Variants in CCDC148 observed in about 807,000 individuals in gnomAD.
CCDC148 encodes coiled-coil domain containing 148, also known as coiled-coil domain-containing protein 148.
A neutral mutation model predicts 85.7 loss-of-function variants in CCDC148; 89 were observed. The observed-to-expected ratio is 1.04, with a 90% CI of 0.87 to 1.24. The LOEUF (loss-of-function observed/expected upper bound fraction) is 1.24, where lower values mean the gene tolerates loss of function less well. Among genes scored for constraint, CCDC148 ranks in the 50% most tolerant of loss-of-function variants. The pLI is 0.00. For synonymous variants in CCDC148, 230 were observed against 213.9 expected (o/e 1.08, Z -0.66); for missense variants, 692 against 671.7 (o/e 1.03, Z -0.33).
At chr2:158,287,905 C>A (rs1048408582) in intron 9 of CCDC148, among the ~76,000 whole-genome samples, 4 of 152,222 alleles carry the variant, frequency 2.6e-5, no homozygotes, top group Admixed American at 6.5e-5. Context: ...GAGGGCCCCA[C>A]CCCTGTAGCA....
intron 11 of CCDC148, among the ~76,000 whole-genome samples, chr2:158,195,300 G>A (rs1365703953): frequency 6.6e-6 from 1 of 151,670 alleles, no homozygotes; most frequent in East Asian, 1.9e-4. Flanking sequence ...GTCTTATGAT[G>A]TGCCTCTTAC....
intron 1 of CCDC148, among the ~76,000 whole-genome samples, chr2:158,369,240 T>C (rs1015169430): frequency 6.6e-6 from 1 of 152,148 alleles, no homozygotes. Context: ...GGGAATAGCA[T>C]TGAATCTATA....
chr2:158,311,768 T>A (rs1445172097), intron 8 of CCDC148, among the ~76,000 whole-genome samples: 1 of 152,216 alleles, frequency 6.6e-6, no homozygotes, highest in East Asian at 1.9e-4. Context: ...AACATTCAGA[T>A]GTTAGGATGC....
At chr2:158,407,965 A>C (rs1350441357) in intron 1 of CCDC148, among the ~76,000 whole-genome samples, 3 of 152,206 alleles carry the variant, frequency 2.0e-5, no homozygotes, top group African/African-American at 7.2e-5. Flanking sequence ...TACAAATTCT[A>C]AATTCTTTGA....
intron 10 of CCDC148, among the ~76,000 whole-genome samples, chr2:158,244,910 T>C (rs1261696851): frequency 6.6e-6 from 1 of 152,192 alleles, no homozygotes; most frequent in Non-Finnish European, 1.5e-5. Flanking sequence ...GTTTAAAGCC[T>C]GGGAATTTTT....
chr2:158,246,434 T>C (rs998282667), intron 10 of CCDC148, among the ~76,000 whole-genome samples: 1 of 152,170 alleles, frequency 6.6e-6, no homozygotes, highest in South Asian at 2.1e-4. Context: ...TCTCCTTTCC[T>C]ACCTCAAACA....
intron 13 of CCDC148, among the ~76,000 whole-genome samples, chr2:158,172,993 T>C (rs1684389231): frequency 6.6e-6 from 1 of 152,056 alleles, no homozygotes; most frequent in Non-Finnish European, 1.5e-5. Context: ...AATAAGCTAG[T>C]AAAAGCAGCC....
intron 1 of CCDC148, among the ~76,000 whole-genome samples, chr2:158,423,559 C>A (rs540190215): frequency 9.9e-5 from 15 of 152,058 alleles, no homozygotes; most frequent in African/African-American, 2.2e-4. Flanking sequence ...TTACACAAAA[C>A]TTAATTCAAG....
intron 7 of CCDC148, among the ~76,000 whole-genome samples, chr2:158,328,895 T>A (rs567926628): frequency 6.6e-6 from 1 of 150,682 alleles, no homozygotes; most frequent in East Asian, 1.9e-4. Flanking sequence ...TTGGAGTTCA[T>A]TGTAGATTCT....
intron 1 of CCDC148, chr2:158,420,102 T>C (rs1686699954): frequency 6.6e-6 from 1 of 152,008 alleles, no homozygotes. Flanking sequence ...AAGATGATAG[T>C]AAAATGTGTA....
At chr2:158,210,424 A>C (rs1686501347) in intron 11 of CCDC148, among the ~76,000 whole-genome samples, 2 of 152,146 alleles carry the variant, frequency 1.3e-5, no homozygotes, top group Admixed American at 1.3e-4. Flanking sequence ...ATTAACAAGG[A>C]TATTTAGGAC....
intron 7 of CCDC148, among the ~76,000 whole-genome samples, chr2:158,334,226 C>T (rs984153678): frequency 9.2e-5 from 14 of 152,130 alleles, no homozygotes; most frequent in Admixed American, 6.6e-5. Flanking sequence ...TAGCTCATTA[C>T]TGGTTCCTGC....
intron 9 of CCDC148, among the ~76,000 whole-genome samples, chr2:158,272,813 G>A (rs553639691): frequency 6.6e-6 from 1 of 152,298 alleles, no homozygotes; most frequent in South Asian, 2.1e-4. Context: ...AATCCAGAAT[G>A]TATCTCATCC....
chr2:158,316,149 C>T (rs1692272508), intron 7 of CCDC148, among the ~76,000 whole-genome samples: 1 of 152,182 alleles, frequency 6.6e-6, no homozygotes, highest in Non-Finnish European at 1.5e-5. Flanking sequence ...AGAAGTACTC[C>T]TAAATTAATT....
At chr2:158,317,802 G>C (rs988411755) in intron 7 of CCDC148, among the ~76,000 whole-genome samples, 5 of 152,196 alleles carry the variant, frequency 3.3e-5, no homozygotes, top group African/African-American at 1.2e-4. Context: ...GCTGAAAGCT[G>C]TTTTATGTTT....
At chr2:158,258,174 T>A (rs190631352) in intron 9 of CCDC148, among the ~76,000 whole-genome samples, 368 of 151,864 alleles carry the variant, frequency 2.4e-3, no homozygotes, top group Middle Eastern at 6.8e-3. Flanking sequence ...AATGTATTAA[T>A]GCTGTGTCAA....
At chr2:158,357,263 A>G (rs1053438622) in intron 2 of CCDC148, among the ~76,000 whole-genome samples, 11 of 151,852 alleles carry the variant, frequency 7.2e-5, no homozygotes, top group Non-Finnish European at 1.5e-4. Flanking sequence ...AAAAAAAATA[A>G]CATAGCCTGG....
chr2:158,338,629 A>T (rs117168817), intron 7 of CCDC148, 97 bp downstream of exon 7: 7 of 784,180 alleles, frequency 8.9e-6, no homozygotes, highest in Non-Finnish European at 1.4e-5. Context: ...TTCCAGTTAC[A>T]TAGTAACTAT....
chr2:158,363,319 C>A (rs1684051071), intron 1 of CCDC148, among the ~76,000 whole-genome samples: 1 of 152,134 alleles, frequency 6.6e-6, no homozygotes, highest in African/African-American at 2.4e-5. Context: ...TTTTGTAAGG[C>A]CAGCATCATC....
Sources: gnomAD v4.1 joint callset for allele counts (sites outside exome capture counted in the v4.1 genomes callset) on GRCh38, gnomAD v4.1.1 for gene constraint, MANE v1.5 for transcripts, NCBI Gene and HGNC (gene_info 2026-07-23, HGNC 2026-07-21) for gene names.